Variants in PXDNL observed in about 807,000 individuals in gnomAD.
PXDNL encodes the protein peroxidasin like, also known as probable oxidoreductase PXDNL.
A neutral mutation model predicts 150.8 loss-of-function variants in PXDNL; 145 were observed. The ratio of observed to expected loss-of-function variants is 0.96; its 90% confidence interval spans 0.84 to 1.10. The LOEUF is 1.10. PXDNL is among the 50% of genes least tolerant of loss of function. The pLI is 0.00. For synonymous variants in PXDNL, 757 were observed against 725.7 expected (o/e 1.04, Z -0.69); for missense variants, 2,087 against 1,873.9 (o/e 1.11, Z -2.10).
At chr8:51,618,830 C>T (rs1814181369) in intron 2 of PXDNL, among the ~76,000 whole-genome samples, 1 of 152,264 alleles carries the variant, frequency 6.6e-6, no homozygotes, top group South Asian at 2.1e-4. Context: ...CTGAGTGGTG[C>T]CCAGTCTGGA....
rs142389065 is a variant in PXDNL, at chr8:51,771,274, T to C, written c.164+37907A>G. On this transcript the variant is annotated intron_variant, in intron 1 of 22. Coordinates refer to ENST00000356297, the MANE Select transcript of PXDNL (RefSeq NM_144651.5). ...ACAAAGCCAATCCACAGCAGTCCTA[T>C]ATGACAAACTTCAGCAAACAAAGAT... 1.1e-3 allele frequency among the ~76,000 whole-genome samples: 174 copies of C among 152,316 alleles called. 1 individual carries two copies. Among genetic ancestry groups the C allele is most frequent in the African/African-American group, 4.0e-3 (167 of 41,576 alleles).
At chr8:51,598,196 C>A (rs1813616663) in intron 2 of PXDNL, among the ~76,000 whole-genome samples, 2 of 152,096 alleles carry the variant, frequency 1.3e-5, no homozygotes, top group Admixed American at 1.3e-4. Context: ...GGTAGTTTGA[C>A]TTTTTTTCCT....
At chr8:51,570,560 C>T (rs1167032757) in intron 3 of PXDNL, among the ~76,000 whole-genome samples, 7 of 151,816 alleles carry the variant, frequency 4.6e-5, no homozygotes, top group African/African-American at 1.2e-4. Flanking sequence ...TCATCCTTTT[C>T]GTCTATGAAT....
chr8:51,599,735 AT>A (rs1813655139), intron 2 of PXDNL, among the ~76,000 whole-genome samples: 1 of 146,578 alleles, frequency 6.8e-6, no homozygotes, highest in African/African-American at 2.5e-5. Flanking sequence ...AATAAATTAT[AT>A]CTTATATAAA....
At chr8:51,543,725 A>AG (rs950771432) in intron 4 of PXDNL, among the ~76,000 whole-genome samples, 3 of 149,792 alleles carry the variant, frequency 2.0e-5, no homozygotes, top group African/African-American at 7.5e-5. Context: ...AAAAAAAAAA[A>AG]AAAAAAGAAA....
chr8:51,448,966 A>G, intron 11 of PXDNL, 36 bp downstream of exon 11: 1 of 1,108,274 alleles, frequency 9.0e-7, no homozygotes, highest in Non-Finnish European at 1.3e-6. Flanking sequence ...GAAGGCACTT[A>G]TTTTTCCCCA....
At chr8:51,686,759 T>A (rs1815884784) in intron 1 of PXDNL, among the ~76,000 whole-genome samples, 2 of 152,080 alleles carry the variant, frequency 1.3e-5, no homozygotes, top group African/African-American at 4.8e-5. Flanking sequence ...TTTGTGGGCA[T>A]AAAAAATGAA....
At chr8:51,371,846 G>C (rs1807124897) in intron 19 of PXDNL, 27 bp downstream of exon 19, 2 of 1,559,178 alleles carry the variant, frequency 1.3e-6, no homozygotes, top group South Asian at 1.1e-5. Flanking sequence ...CATCAATCCA[G>C]ATCGTGCTCA....
intron 21 of PXDNL, among the ~76,000 whole-genome samples, chr8:51,337,960 C>T (rs2130670280): frequency 6.6e-6 from 1 of 150,866 alleles, no homozygotes; most frequent in Admixed American, 6.6e-5. Context: ...GGGCAGATGA[C>T]CTGAGGTCAG....
intron 1 of PXDNL, among the ~76,000 whole-genome samples, chr8:51,808,658 T>C (rs1166505833): frequency 6.6e-6 from 1 of 152,106 alleles, no homozygotes; most frequent in African/African-American, 2.4e-5. Flanking sequence ...ACTGGACCAT[T>C]TGAGGGTCTG....
intron 4 of PXDNL, among the ~76,000 whole-genome samples, chr8:51,520,028 G>A (rs1393958327): frequency 1.3e-5 from 2 of 152,162 alleles, no homozygotes; most frequent in Non-Finnish European, 2.9e-5. Context: ...AGTTGCTGGC[G>A]TCCAAGTGTG....
chr8:51,358,435 G>A (rs1210028652), intron 19 of PXDNL, among the ~76,000 whole-genome samples: 1 of 152,156 alleles, frequency 6.6e-6, no homozygotes, highest in African/African-American at 2.4e-5. Flanking sequence ...GGTTTTCTCA[G>A]ACCTTGTGTC....
chr8:51,794,117 G>A (rs549963188), intron 1 of PXDNL, among the ~76,000 whole-genome samples: 2 of 152,132 alleles, frequency 1.3e-5, no homozygotes, highest in Non-Finnish European at 2.9e-5. Context: ...CAAGATTAGA[G>A]AGAAAAGAAA....
At chr8:51,495,526 C>A (rs1197653396) in intron 5 of PXDNL, among the ~76,000 whole-genome samples, 1 of 152,032 alleles carries the variant, frequency 6.6e-6, no homozygotes, top group African/African-American at 2.4e-5. Flanking sequence ...AATTGATAGA[C>A]CGCTAGCAAG....
chr8:51,575,429 C>T (rs1813031165), intron 3 of PXDNL, among the ~76,000 whole-genome samples: 1 of 150,590 alleles, frequency 6.6e-6, no homozygotes, highest in Non-Finnish European at 1.5e-5. Flanking sequence ...ATAGTCTAAA[C>T]ACACTGATTA....
chr8:51,535,714 T>TA (rs148051245), intron 4 of PXDNL, among the ~76,000 whole-genome samples: 1 of 136,356 alleles, frequency 7.3e-6, no homozygotes, highest in South Asian at 2.3e-4. Flanking sequence ...GAATGATCAA[T>TA]AAAAAAATAA....
chr8:51,411,540 G>T, intron 15 of PXDNL, 133 bp from the exon 16 acceptor site: 2 of 752,166 alleles, frequency 2.7e-6, no homozygotes, highest in Non-Finnish European at 3.9e-6. Context: ...TACAATAGAG[G>T]CTCTACAGAG....
intron 19 of PXDNL, among the ~76,000 whole-genome samples, chr8:51,370,278 G>A (rs955852835): frequency 2.0e-5 from 3 of 151,988 alleles, no homozygotes; most frequent in Non-Finnish European, 4.4e-5. Context: ...GCCTCTACAC[G>A]GAGCCATTGC....
chr8:51,608,248 G>T (rs957012078), intron 2 of PXDNL, among the ~76,000 whole-genome samples: 2 of 147,522 alleles, frequency 1.4e-5, no homozygotes, highest in Non-Finnish European at 3.0e-5. Context: ...AATTAGCCAG[G>T]CGTGGTGGCG....
Sources: gnomAD v4.1 joint callset for allele counts (sites outside exome capture counted in the v4.1 genomes callset) on GRCh38, gnomAD v4.1.1 for gene constraint, MANE v1.5 for transcripts, NCBI Gene and HGNC (gene_info 2026-07-23, HGNC 2026-07-21) for gene names.